SPATA6: variants seen among roughly 807,000 people sequenced by gnomAD.
SPATA6 encodes spermatogenesis-associated protein 6.
In SPATA6, 56 loss-of-function variants were observed where a neutral mutation model predicts 65.3. That is an observed-to-expected ratio of 0.86 (90% confidence interval 0.69 to 1.07). The LOEUF is 1.07. SPATA6 is among the 50% of genes least tolerant of loss of function. SPATA6 has a pLI of 0.00. For missense variants in SPATA6, 590 were observed against 594.8 expected, an observed-to-expected ratio of 0.99 and a Z score of 0.08; for synonymous variants, 199 against 213.2, an observed-to-expected ratio of 0.93 and a Z score of 0.58.
chr1:48,279,949 A>G, the SPATA6 span, among the ~76,000 whole-genome samples: 6,780 of 152,200 alleles, frequency 0.045, 389 homozygotes, highest in East Asian at 0.17. Flanking sequence ...ACTCCTCAGC[A>G]AATGTAAAAG....
At chr1:48,335,336 G>GT (rs1274864007) in intron 11 of SPATA6, among the ~76,000 whole-genome samples, 1 of 115,818 alleles carries the variant, frequency 8.6e-6, no homozygotes, top group African/African-American at 2.6e-5. Context: ...GCAATCCTAG[G>GT]CAAAAAAAAA....
chr1:48,449,930 G>A (rs2148146378), intron 3 of SPATA6, among the ~76,000 whole-genome samples: 1 of 152,200 alleles, frequency 6.6e-6, no homozygotes, highest in Non-Finnish European at 1.5e-5. Flanking sequence ...TAATAAGATT[G>A]GCAAAATGTC....
intron 9 of SPATA6, among the ~76,000 whole-genome samples, chr1:48,378,113 T>C (rs1269510546): frequency 1.3e-5 from 2 of 152,234 alleles, no homozygotes; most frequent in Non-Finnish European, 2.9e-5. Flanking sequence ...ACTAAATTTC[T>C]ATTATATTAA....
intron 3 of SPATA6, chr1:48,436,562 C>T: frequency 6.2e-7 from 1 of 1,612,594 alleles, no homozygotes; most frequent in Non-Finnish European, 8.5e-7. Flanking sequence ...GGCCTAGTGA[C>T]CCTCTCTGGC....
intron 3 of SPATA6, among the ~76,000 whole-genome samples, chr1:48,426,885 T>C (rs1387736596): frequency 6.7e-6 from 1 of 149,974 alleles, no homozygotes; most frequent in Non-Finnish European, 1.5e-5. Context: ...TAAGATGATA[T>C]AAATCAGGAA....
At chr1:48,417,858 AC>A (rs558782308) in intron 3 of SPATA6, among the ~76,000 whole-genome samples, 38 of 152,118 alleles carry the variant, frequency 2.5e-4, no homozygotes, top group African/African-American at 7.7e-4. Context: ...AAACAAAAAA[AC>A]ATTTTTGTTT....
At chr1:48,441,461 C>T (rs529950070) in intron 3 of SPATA6, among the ~76,000 whole-genome samples, 1 of 152,154 alleles carries the variant, frequency 6.6e-6, no homozygotes, top group African/African-American at 2.4e-5. Context: ...AAGTCCCATA[C>T]CCTTATTAAG....
At chr1:48,451,452 A>C in intron 3 of SPATA6, 100 bp downstream of exon 3, 3 of 1,021,036 alleles carry the variant, frequency 2.9e-6, no homozygotes, top group Non-Finnish European at 4.3e-6. Flanking sequence ...AAGTTCTACT[A>C]ACCCCTTTTA....
rs116679325 is a variant in SPATA6 at position 48,426,271 on chromosome 1, T to C, written c.239-13120A>G. Among the ~76,000 whole-genome samples, 106 of 152,222 alleles carry C rather than the reference T, an allele frequency of 7.0e-4. 1 individual carries two copies. Among genetic ancestry groups the C allele is most frequent in the African/African-American group, 2.4e-3 (100 of 41,550 alleles). The stretch of plus-strand genomic sequence containing the variant: ...ATACTAGGAAGCACAGTCAATCAAT[T>C]TGAAAAAGAGCAGTTGAAACTGGAA... On this transcript the variant is annotated intron_variant, in intron 3 of 12. Transcript: ENST00000371847.
rs892246608 is a variant in SPATA6, at chr1:48,379,811, C to T, written c.909+5498G>A. Among the ~76,000 whole-genome samples, 27 of 152,174 alleles carry T rather than the reference C, an allele frequency of 1.8e-4. No individual in the cohort carries two copies. In the South Asian group the frequency reaches 2.5e-3, roughly 14 times the overall value. On this transcript the variant is annotated intron_variant, in intron 9 of 12. Transcript: ENST00000371847. The stretch of plus-strand genomic sequence containing the variant: ...TAATAAATGAAAATCCAGTATCATA[C>T]GCTTTACATGCATGATAGCCTTTAA...
chr1:48,415,844 G>A (rs573253481), intron 3 of SPATA6, among the ~76,000 whole-genome samples: 1 of 151,980 alleles, frequency 6.6e-6, no homozygotes, highest in Non-Finnish European at 1.5e-5. Flanking sequence ...AGAGCAAGGA[G>A]AATAAATGCC....
At chr1:48,322,570 G>A (rs1306254278) in intron 11 of SPATA6, among the ~76,000 whole-genome samples, 5 of 152,114 alleles carry the variant, frequency 3.3e-5, no homozygotes, top group African/African-American at 7.2e-5. Context: ...TAGACAAATC[G>A]CATCTAATTA....
chr1:48,281,457 CCTT>C, the SPATA6 span, among the ~76,000 whole-genome samples: 1 of 152,168 alleles, frequency 6.6e-6, no homozygotes, highest in Non-Finnish European at 1.5e-5. Flanking sequence ...CCCAAAATCT[CCTT>C]AAGCTGATAA....
At chr1:48,285,712 C>T in the SPATA6 span, among the ~76,000 whole-genome samples, 3 of 152,158 alleles carry the variant, frequency 2.0e-5, no homozygotes, top group Non-Finnish European at 1.5e-5. Context: ...ACCACTTGCA[C>T]TTCCTGGGTG....
chr1:48,428,870 CGT>C (rs35049845), intron 3 of SPATA6, among the ~76,000 whole-genome samples: 13,786 of 136,590 alleles, frequency 0.1, 709 homozygotes, highest in East Asian at 0.26. Flanking sequence ...TATATATACA[CGT>C]GTGTGTGTGT....
downstream of SPATA6, among the ~76,000 whole-genome samples, chr1:48,291,592 G>GC (rs1188335038): frequency 6.6e-6 from 1 of 151,968 alleles, no homozygotes; most frequent in Admixed American, 6.6e-5. Flanking sequence ...GTGCCCACCT[G>GC]CCCCCCTCAC....
At chr1:48,469,812 G>A (rs528485913) in intron 1 of SPATA6, among the ~76,000 whole-genome samples, 358 of 151,794 alleles carry the variant, frequency 2.4e-3, no homozygotes, top group Middle Eastern at 0.01. Flanking sequence ...TTTTTTGTGG[G>A]GGGGGCGGTC....
chr1:48,273,325 G>A, the SPATA6 span, among the ~76,000 whole-genome samples: 1 of 151,914 alleles, frequency 6.6e-6, no homozygotes, highest in Admixed American at 6.6e-5. Flanking sequence ...TTTGGCACTT[G>A]GATATACAGT....
Position 48,356,437 on chromosome 1 carries a change from C to T in SPATA6, c.1095-668G>A, listed in dbSNP as rs188859384. Among the ~76,000 whole-genome samples, 324 of 150,774 alleles carry T rather than the reference C, an allele frequency of 2.1e-3. 2 individuals carry two copies. The highest frequency in any genetic ancestry group is 3.3e-3 in the Non-Finnish European group (222 of 67,814). Reference sequence around the variant, plus strand: ...AATATATAGTGTTATTAATAATTCCCTTATAATGAAATAGGTAAAATGTTG... The same window carrying T: ...AATATATAGTGTTATTAATAATTCCTTTATAATGAAATAGGTAAAATGTTG... On this transcript the variant is annotated intron_variant, in intron 10 of 12. Coordinates refer to ENST00000371847, the MANE Select transcript of SPATA6 (RefSeq NM_019073.4).
Sources: allele counts gnomAD v4.1 joint callset (sites outside exome capture counted in the v4.1 genomes callset), GRCh38; gene constraint gnomAD v4.1.1; transcripts MANE v1.5; gene names NCBI Gene and HGNC (gene_info 2026-07-23, HGNC 2026-07-21).